MFN2: variants seen among roughly 807,000 people sequenced by gnomAD.
MFN2 encodes the protein mitofusin 2, also known as mitofusin-2.
In MFN2, 43 loss-of-function variants were observed where a neutral mutation model predicts 87.5. The observed-to-expected ratio is 0.49, with a 90% CI of 0.38 to 0.63. MFN2 has a LOEUF of 0.63. MFN2 is among the 30% of genes least tolerant of loss of function. The pLI is 0.00. For missense variants in MFN2, 743 were observed against 972.8 expected (o/e 0.76, Z 3.14); for synonymous variants, 337 against 359.9 (o/e 0.94, Z 0.72).
At chr1:12,007,280 A>ACTTCCTTTAGGCAGGGTC in intron 17 of MFN2, 31 bp downstream of exon 17, 1 of 1,608,142 alleles carries the variant, frequency 6.2e-7, no homozygotes, top group Non-Finnish European at 8.5e-7. Context: ...CCAGCAGGGG[A>ACTTCCTTTAGGCAGGGTC]CTTCCTTTAG....
At chr1:11,997,591 T>G (rs530124902) in intron 6 of MFN2, among the ~76,000 whole-genome samples, 170 bp downstream of exon 6, 1 of 152,306 alleles carries the variant, frequency 6.6e-6, no homozygotes, top group African/African-American at 2.4e-5. Context: ...CTCTGGAGTC[T>G]GGTTACTATA....
intron 3 of MFN2, among the ~76,000 whole-genome samples, chr1:11,990,308 C>T (rs1265429317): frequency 6.6e-6 from 1 of 152,258 alleles, no homozygotes; most frequent in Non-Finnish European, 1.5e-5. Context: ...CTTGATGCCA[C>T]AGAAGGTGTT....
chr1:12,004,541 C>T lies in MFN2; in HGVS notation c.1320C>T (p.Arg440=). The change falls in exon 13 of 19, where the codon CGC becomes CGT. Residue 440 remains arginine, a synonymous_variant. Transcript: ENST00000235329. The surrounding 1 kb of genome is among the most constrained non-coding windows in gnomAD (Gnocchi z 4.2). ...VSTAMAEEIR[R]LSVLVDDYQM... ...CTGCAATGGCCGAGGAGATCAGGCGCCTCTCTGTACTGGTGGACGATTACC... is the reference window on the plus strand; with the variant it reads ...CTGCAATGGCCGAGGAGATCAGGCGTCTCTCTGTACTGGTGGACGATTACC... 2 of 1,614,168 alleles carry T rather than the reference C, an allele frequency of 1.2e-6. No individual in the cohort carries two copies. The highest frequency in any genetic ancestry group is 1.7e-6 in the Non-Finnish European group (2 of 1,180,030).
At chr1:11,985,774 CCCTTTTCTATT>C (rs1252998198) in intron 2 of MFN2, among the ~76,000 whole-genome samples, 1 of 152,070 alleles carries the variant, frequency 6.6e-6, no homozygotes, top group African/African-American at 2.4e-5. Flanking sequence ...GACCCCTGAT[CCCTTTTCTATT>C]CCTTTTGGAT....
intron 4 of MFN2, among the ~76,000 whole-genome samples, chr1:11,993,846 A>G (rs1173350134): frequency 6.6e-6 from 1 of 151,868 alleles, no homozygotes; most frequent in Non-Finnish European, 1.5e-5. Flanking sequence ...TTACTTTTAC[A>G]TTTGTTCTTA....
chr1:12,002,475 C>T (rs1557528786), intron 11 of MFN2, among the ~76,000 whole-genome samples: 1 of 152,240 alleles, frequency 6.6e-6, no homozygotes, highest in Admixed American at 6.5e-5. Flanking sequence ...AGGAGGACTG[C>T]TTGAGGCCAG....
At chr1:11,986,476 A>T (rs1638410147) in intron 2 of MFN2, among the ~76,000 whole-genome samples, 1 of 151,998 alleles carries the variant, frequency 6.6e-6, no homozygotes, top group African/African-American at 2.4e-5. Flanking sequence ...TCTGCTCAAG[A>T]AGTAGCTTTC....
intron 2 of MFN2, among the ~76,000 whole-genome samples, 172 bp downstream of exon 2, chr1:11,982,286 C>T (rs1008493320): frequency 1.3e-5 from 2 of 152,114 alleles, no homozygotes; most frequent in Admixed American, 6.6e-5. Context: ...TGAAGGATTT[C>T]GCTGGTTGCT....
rs551609348 is a variant in MFN2 at position 12,006,779 on chromosome 1, A to T, written c.1872+86A>T. On this transcript the variant is annotated intron_variant, in intron 16 of 18. Transcript: ENST00000235329. ...GCTAGGTTCCTGCTGTGGCCCCTGC[A>T]TTGGGCCACACTCCACAGTCCACTG... is the stretch of plus-strand genomic sequence containing the variant. 4.1e-5 allele frequency: 64 copies of T among 1,543,548 alleles called. No homozygotes were observed. In the East Asian group the frequency reaches 1.3e-3, roughly 32 times the overall value.
intron 4 of MFN2, 30 bp downstream of exon 4, chr1:11,992,720 T>A: frequency 6.2e-7 from 1 of 1,614,194 alleles, no homozygotes; most frequent in South Asian, 1.1e-5. Context: ...ACCCTTTCTT[T>A]CTTCCTGGCT....
chr1:11,987,395 C>G (rs1283927141), intron 2 of MFN2, among the ~76,000 whole-genome samples: 3 of 149,218 alleles, frequency 2.0e-5, no homozygotes, highest in African/African-American at 7.4e-5. Context: ...TTTCGGAGGA[C>G]AAGGTGGGTG....
Position 12,001,995 on chromosome 1 carries a change from A to C in MFN2, c.1052A>C (p.Gln351Pro). 6.2e-7 allele frequency: 1 copy of C among 1,614,194 alleles called. No individual in the cohort carries two copies. The highest frequency in any genetic ancestry group is 8.5e-7 in the Non-Finnish European group (1 of 1,180,034). ...FERRFEECISQSAVKTKFEQH... is the reference protein window; with the variant it reads ...FERRFEECISPSAVKTKFEQH... ...TGTGTGTTCCAGGAGTGCATCTCCC[A>C]GTCTGCAGTGAAGACCAAGTTTGAG... The change falls in exon 11 of 19, where the codon CAG becomes CCG. Residue 351 changes from glutamine (Q) to proline (P), a missense_variant. Transcript: ENST00000235329.
At chr1:11,996,497 G>A (rs1333925016) in intron 5 of MFN2, among the ~76,000 whole-genome samples, 179 bp downstream of exon 5, 2 of 152,140 alleles carry the variant, frequency 1.3e-5, no homozygotes, top group Non-Finnish European at 2.9e-5. Flanking sequence ...TGGCGGAGGT[G>A]GTTTTCAGAA....
rs369764108 is a variant in MFN2 at position 12,001,462 on chromosome 1, A to G, written c.878A>G (p.Asp293Gly). 1 of 1,613,922 alleles carries G rather than the reference A, an allele frequency of 6.2e-7. No individual in the cohort carries two copies. Among genetic ancestry groups the G allele is most frequent in the African/African-American group, 1.3e-5 (1 of 74,922 alleles). Reference sequence around the variant, plus strand: ...CTGGTGGATGAGCTGGGCGTGGTGGATCGATCCCAGGCCGGGGACCGCATC... The same window carrying G: ...CTGGTGGATGAGCTGGGCGTGGTGGGTCGATCCCAGGCCGGGGACCGCATC... ...SFLVDELGVVDRSQAGDRIFF... is the reference protein window; with the variant it reads ...SFLVDELGVVGRSQAGDRIFF... Residue 293 changes from aspartate (D) to glycine (G), a missense_variant, in exon 9 of 19, where the codon GAT becomes GGT. By Grantham distance (94) the Asp-to-Gly change is moderately conservative. Transcript: ENST00000235329.
At chr1:11,999,935 A>T (rs1378367927) in intron 8 of MFN2, among the ~76,000 whole-genome samples, 2 of 151,592 alleles carry the variant, frequency 1.3e-5, no homozygotes, top group Admixed American at 1.3e-4. Flanking sequence ...TCTACTAAAA[A>T]TACAAAAAAT....
intron 5 of MFN2, 47 bp downstream of exon 5, chr1:11,996,365 A>G (rs1557522014): frequency 3.7e-6 from 6 of 1,611,618 alleles, no homozygotes; most frequent in Non-Finnish European, 5.1e-6. Flanking sequence ...CTGGGGGAGC[A>G]AGTCCTCCGT....
At chr1:11,984,303 A>G (rs536342983) in intron 2 of MFN2, among the ~76,000 whole-genome samples, 1 of 151,994 alleles carries the variant, frequency 6.6e-6, no homozygotes, top group Non-Finnish European at 1.5e-5. Flanking sequence ...CGGGTAAGGG[A>G]GTGGTGTGTG....
Position 12,001,395 on chromosome 1 carries a change from C to T in MFN2, c.817-6C>T. 6.2e-7 allele frequency: 1 copy of T among 1,613,254 alleles called. No homozygotes were observed. The highest frequency in any genetic ancestry group is 1.3e-5 in the African/African-American group (1 of 75,038). ...CTCACTCTGGACACATTTGTTTGGGCTCCAGGTGCGGCGGCAGCACATGGA... is the reference window on the plus strand; with the variant it reads ...CTCACTCTGGACACATTTGTTTGGGTTCCAGGTGCGGCGGCAGCACATGGA... On this transcript the variant is annotated splice_polypyrimidine_tract_variant and splice_region_variant and intron_variant, in intron 8 of 18. Transcript: ENST00000235329.
Position 12,005,000 on chromosome 1 carries a change from AG to A in MFN2, c.1495+74del. 1 of 1,176,870 alleles carries A rather than the reference AG, an allele frequency of 8.5e-7. No homozygotes were observed. The allele number at this position is 1,176,870 out of a possible 1,614,324, so 72.9% of individuals were successfully genotyped here. A position where few individuals can be genotyped will look rare whatever the true frequency, so the allele number is the denominator to read the frequency against. On this transcript the variant is annotated intron_variant, in intron 14 of 18. Coordinates refer to ENST00000235329, the MANE Select transcript of MFN2 (RefSeq NM_014874.4). This position sits in a 1 kb window ranked among gnomAD's most constrained non-coding sequence, Gnocchi z 4.2. Reference sequence around the variant, plus strand: ...AGATCAGATGCGGAGGCCAAGCTAAAGAAATCAGGACTTTCCTTATCTGTCA... The same window carrying A: ...AGATCAGATGCGGAGGCCAAGCTAAAAAATCAGGACTTTCCTTATCTGTCA...
Sources: allele counts gnomAD v4.1 joint callset (sites outside exome capture counted in the v4.1 genomes callset), GRCh38; gene constraint gnomAD v4.1.1; non-coding constraint Gnocchi (gnomAD v3.1); transcripts MANE v1.5; gene names NCBI Gene and HGNC (gene_info 2026-07-23, HGNC 2026-07-21).